The following TXNRD2 variants were observed in gnomAD, a reference collection of about 807,000 sequenced individuals.
TXNRD2 encodes thioredoxin reductase 2, mitochondrial.
Under a neutral mutation model 70.8 loss-of-function variants are expected in TXNRD2, and 67 were observed. The ratio of observed to expected loss-of-function variants is 0.95; its 90% CI spans 0.78 to 1.16. TXNRD2 has a LOEUF of 1.16. Ranked by LOEUF, TXNRD2 falls within the 50% of genes most tolerant of loss-of-function variation. The pLI, the probability that TXNRD2 is intolerant of heterozygous loss-of-function variation, is 0.00. For missense variants in TXNRD2, 644 were observed against 719.9 expected, an observed-to-expected ratio of 0.89 and a Z score of 1.21; for synonymous variants, 301 against 295.8, an observed-to-expected ratio of 1.02 and a Z score of -0.18.
intron 7 of TXNRD2, among the ~76,000 whole-genome samples, chr22:19,914,209 CAT>C (rs777452180): frequency 1.3e-5 from 2 of 152,234 alleles, no homozygotes; most frequent in African/African-American, 2.4e-5. Context: ...AAAGATTCAA[CAT>C]AAAGTTACCA....
rs1569099192 is a variant in TXNRD2 at position 19,915,856 on chromosome 22, G to C, written c.450-13C>G. ...GTACTTGACTTTTCTGAAAGATAAAGATAAGATTTTCAAACACTTCCTCTG... is the reference window on the plus strand; with the variant it reads ...GTACTTGACTTTTCTGAAAGATAAACATAAGATTTTCAAACACTTCCTCTG... On this transcript the variant is annotated splice_polypyrimidine_tract_variant and intron_variant, in intron 5 of 17. Transcript: ENST00000400521. 2 of 1,612,708 alleles carry C rather than the reference G, an allele frequency of 1.2e-6. No homozygotes were observed. The highest frequency in any genetic ancestry group is 1.7e-6 in the Non-Finnish European group (2 of 1,178,862).
chr22:19,931,624 C>T (rs918793079), intron 1 of TXNRD2, among the ~76,000 whole-genome samples: 9 of 152,096 alleles, frequency 5.9e-5, no homozygotes, highest in Admixed American at 5.9e-4. Context: ...TAGCCTCAGC[C>T]TCCAGAATAG....
At chr22:19,895,379 C>T (rs1939456077) in intron 11 of TXNRD2, 28 bp downstream of exon 11, 1 of 1,613,676 alleles carries the variant, frequency 6.2e-7, no homozygotes, top group East Asian at 2.2e-5. Flanking sequence ...AGACCAGAGA[C>T]AGAGCGTGTG....
chr22:19,937,481 G>A (rs1941571636), intron 1 of TXNRD2, among the ~76,000 whole-genome samples: 1 of 152,076 alleles, frequency 6.6e-6, no homozygotes. Context: ...TTCAAAATGC[G>A]AACCATGAGT....
intron 7 of TXNRD2, among the ~76,000 whole-genome samples, chr22:19,912,833 CCT>C (rs1940473844): frequency 6.6e-6 from 1 of 152,232 alleles, no homozygotes; most frequent in African/African-American, 2.4e-5. Flanking sequence ...CGCTCCTTTC[CCT>C]GTTTCCACAG....
Position 19,878,424 on chromosome 22 carries a change from T to A in TXNRD2, c.1289A>T (p.His430Leu), listed in dbSNP as rs376463546. The A allele has an allele frequency of 1.2e-6, 2 of 1,613,618 alleles. No individual in the cohort carries two copies. Among genetic ancestry groups the A allele is most frequent in the Non-Finnish European group, 1.7e-6 (2 of 1,180,016 alleles). Reference sequence around the variant, plus strand: ...CACCGTGAACTCCAGTGGTTTATAATGGGCGTGATAGACCTGAGGACAGGA... The same window carrying A: ...CACCGTGAACTCCAGTGGTTTATAAAGGGCGTGATAGACCTGAGGACAGGA... Reference protein sequence around the residue: ...GQEHVEVYHAHYKPLEFTVAG... With the variant: ...GQEHVEVYHALYKPLEFTVAG... Residue 430 changes from histidine (H) to leucine (L), a missense_variant, in exon 15 of 18, where the codon CAT (histidine) becomes CTT (leucine). By Grantham distance (99) the His-to-Leu change is moderately conservative. Coordinates refer to ENST00000400521, the MANE Select transcript of TXNRD2 (RefSeq NM_006440.5).
intron 8 of TXNRD2, among the ~76,000 whole-genome samples, chr22:19,909,666 CCA>C (rs1258412210): frequency 4.3e-5 from 6 of 138,064 alleles, no homozygotes; most frequent in Non-Finnish European, 7.8e-5. Flanking sequence ...CACACACACA[CCA>C]CTCACACACA....
rs375498636 is a variant in TXNRD2, at chr22:19,883,341, A to G, written c.1070T>C (p.Ile357Thr). Residue 357 changes from isoleucine (I) to threonine (T), a missense_variant, in exon 12 of 18, where the codon ATT (isoleucine) becomes ACT (threonine). Ile to Thr is a moderately conservative substitution (Grantham distance 89). Around this residue, in one of 3 missense-constraint regions of TXNRD2, gnomAD observed 566 missense variants for 645.0 expected, o/e 0.88. Transcript: ENST00000400521. Reference sequence around the variant, plus strand: ...ATGCCGTACCTCCACCACGTCACCAATGGCGTAGATGTGGGGCACAGAGGT... The same window carrying G: ...ATGCCGTACCTCCACCACGTCACCAGTGGCGTAGATGTGGGGCACAGAGGT... The part of the protein sequence containing the change: ...EATSVPHIYA[I>T]GDVVEGRPEL... The G allele has an allele frequency of 1.2e-5, 20 of 1,613,894 alleles. No individual in the cohort carries two copies. Among genetic ancestry groups the G allele is most frequent in the South Asian group, 3.3e-5 (3 of 91,086 alleles).
intron 7 of TXNRD2, among the ~76,000 whole-genome samples, chr22:19,912,930 G>C (rs980651959): frequency 4.6e-5 from 7 of 152,228 alleles, no homozygotes; most frequent in African/African-American, 1.7e-4. Context: ...GACTGCCCCT[G>C]GGTCTAAGTC....
chr22:19,918,112 G>A lies in TXNRD2; in HGVS notation c.449+31C>T, dbSNP rs536289467. 34 of 1,600,926 alleles carry A rather than the reference G, an allele frequency of 2.1e-5. 1 individual carries two copies. In the South Asian group the frequency reaches 3.4e-4, roughly 16 times the overall value. ...AGAACGCCCAAGAGAAGGCCCAGAG[G>A]GCGGCCCATTCCCGGAGAGAGCTTC... On this transcript the variant is annotated intron_variant, in intron 5 of 17. Transcript: ENST00000400521.
At position 19,898,903 on chromosome 22, in the gene TXNRD2, C is replaced by T. The variant is rs1317691035; in HGVS notation, c.682+146G>A. The T allele has an allele frequency of 1.5e-5, 15 of 1,009,474 alleles. 1 individual carries two copies. In the South Asian group the frequency reaches 1.9e-4, roughly 13 times the overall value. The allele number at this position is 1,009,474 out of a possible 1,614,324, so 62.5% of individuals were successfully genotyped here. ...AGGTCAGCCTCAAACTGTCCCCAGGCACAGTAGATCCTCCACGCCGAGAGG... is the reference window on the plus strand; with the variant it reads ...AGGTCAGCCTCAAACTGTCCCCAGGTACAGTAGATCCTCCACGCCGAGAGG... On this transcript the variant is annotated intron_variant, in intron 9 of 17. Transcript: ENST00000400521.
At chr22:19,882,657 C>T (rs1020585315) in intron 12 of TXNRD2, among the ~76,000 whole-genome samples, 2 of 152,242 alleles carry the variant, frequency 1.3e-5, no homozygotes, top group African/African-American at 4.8e-5. Context: ...CCCTCCAGAG[C>T]CACTTTCAGC....
chr22:19,912,324 C>T (rs545454524), intron 7 of TXNRD2, among the ~76,000 whole-genome samples: 5 of 152,358 alleles, frequency 3.3e-5, no homozygotes, highest in Non-Finnish European at 5.9e-5. Context: ...GGGACTAAAA[C>T]GCAAGCAAGC....
intron 1 of TXNRD2, among the ~76,000 whole-genome samples, chr22:19,931,646 A>G (rs1941363818): frequency 6.6e-6 from 1 of 152,128 alleles, no homozygotes; most frequent in Non-Finnish European, 1.5e-5. Context: ...TGGGACTACA[A>G]GCACCGATCA....
rs1242324677 is a variant in TXNRD2 at position 19,905,087 on chromosome 22, G to A, written c.663-6019C>T. Among the ~76,000 whole-genome samples, 3 of 152,148 alleles carry A rather than the reference G, an allele frequency of 2.0e-5. No individual in the cohort carries two copies. The East Asian group carries it at 5.8e-4, about 29-fold the overall frequency. The stretch of plus-strand genomic sequence containing the variant: ...CTTATTTTGACTGCAGCAGAGGAAT[G>A]TAACATGTAAACACTGACTCCCATA... On this transcript the variant is annotated intron_variant, in intron 8 of 17. Coordinates refer to ENST00000400521, the MANE Select transcript of TXNRD2 (RefSeq NM_006440.5).
At chr22:19,909,251 T>C (rs1328450640) in intron 8 of TXNRD2, among the ~76,000 whole-genome samples, 1 of 151,618 alleles carries the variant, frequency 6.6e-6, no homozygotes, top group Non-Finnish European at 1.5e-5. Context: ...TTATACTATG[T>C]CTGTTTTATC....
chr22:19,892,336 A>G (rs1458347539), intron 11 of TXNRD2, among the ~76,000 whole-genome samples: 1 of 152,268 alleles, frequency 6.6e-6, no homozygotes, highest in East Asian at 1.9e-4. Flanking sequence ...CAGCGAAGTC[A>G]GCACATGCCC....
intron 1 of TXNRD2, among the ~76,000 whole-genome samples, chr22:19,937,267 C>T (rs1941566380): frequency 6.6e-6 from 1 of 152,172 alleles, no homozygotes; most frequent in Admixed American, 6.5e-5. Context: ...GGCTTTGATG[C>T]TCTCACCACG....
chr22:19,932,272 A>C, intron 1 of TXNRD2: 1 of 1,610,360 alleles, frequency 6.2e-7, no homozygotes, highest in African/African-American at 1.3e-5. Flanking sequence ...GCTAGGAGGG[A>C]AGCCACCCTG....
Sources: allele counts gnomAD v4.1 joint callset (sites outside exome capture counted in the v4.1 genomes callset), GRCh38; gene constraint gnomAD v4.1.1; regional missense constraint gnomAD v4.1.1; transcripts MANE v1.5; gene names NCBI Gene and HGNC (gene_info 2026-07-23, HGNC 2026-07-21).